MARCHF1: variants seen among roughly 807,000 people sequenced by gnomAD.
MARCHF1 encodes E3 ubiquitin-protein ligase MARCHF1.
MARCHF1 carries 40 observed loss-of-function variants against 54.2 expected under a neutral mutation model. That is an observed-to-expected ratio of 0.74 (90% CI 0.57 to 0.96). MARCHF1 has a LOEUF of 0.96. Ranked by LOEUF, MARCHF1 falls within the 40% of genes least tolerant of loss-of-function variation. The probability of loss-of-function intolerance (pLI) is 0.00; values close to 1 mark genes in which losing one functional copy is unlikely to be tolerated. For missense variants in MARCHF1, 586 were observed against 656.5 expected (o/e 0.89, Z 1.17); for synonymous variants, 236 against 236.3 (o/e 1.00, Z 0.01).
chr4:163,796,222 T>G (rs1747909961), intron 4 of MARCHF1, among the ~76,000 whole-genome samples: 1 of 20,140 alleles, frequency 5.0e-5, no homozygotes, highest in Non-Finnish European at 1.5e-4. Flanking sequence ...AAACTTCTAG[T>G]TTTTTTTTTT....
At chr4:163,783,018 T>C (rs1300510707) in intron 4 of MARCHF1, among the ~76,000 whole-genome samples, 1 of 152,170 alleles carries the variant, frequency 6.6e-6, no homozygotes, top group East Asian at 1.9e-4. Context: ...CAAAATTACA[T>C]TGGTCACTTC....
At chr4:164,020,673 T>C (rs1753643447) in intron 2 of MARCHF1, among the ~76,000 whole-genome samples, 1 of 152,194 alleles carries the variant, frequency 6.6e-6, no homozygotes, top group South Asian at 2.1e-4. Flanking sequence ...GGCTCATGCC[T>C]GTAATCCCAG....
chr4:163,618,579 G>A lies in MARCHF1; in HGVS notation c.163-5186C>T, dbSNP rs112033668. Among the ~76,000 whole-genome samples, 61 of 152,168 alleles carry A rather than the reference G, an allele frequency of 4.0e-4. 1 individual carries two copies. Among genetic ancestry groups the A allele is most frequent in the African/African-American group, 1.4e-3 (59 of 41,512 alleles). On this transcript the variant is annotated intron_variant, in intron 5 of 9. Coordinates refer to ENST00000514618, the MANE Select transcript of MARCHF1 (RefSeq NM_001394959.1). ...CTGTCCTTTATGGGATCACTTCCTA[G>A]CCAAACTATCTGCACTCTGCTAAAA... is the stretch of plus-strand genomic sequence containing the variant.
chr4:163,711,766 G>A (rs966484928), intron 4 of MARCHF1, among the ~76,000 whole-genome samples: 2 of 151,968 alleles, frequency 1.3e-5, no homozygotes, highest in Non-Finnish European at 2.9e-5. Context: ...CCACCCATGG[G>A]GTATACAACT....
chr4:163,599,849 T>TC (rs936948326), intron 7 of MARCHF1, among the ~76,000 whole-genome samples: 2 of 152,294 alleles, frequency 1.3e-5, no homozygotes, highest in African/African-American at 4.8e-5. Flanking sequence ...ATTTAGGGCT[T>TC]CCCCCGCAAA....
At chr4:164,366,779 A>G (rs1730891568) in intron 1 of MARCHF1, among the ~76,000 whole-genome samples, 3 of 151,880 alleles carry the variant, frequency 2.0e-5, no homozygotes, top group South Asian at 2.1e-4. Flanking sequence ...TTATATTATA[A>G]AAGTTTTATA....
chr4:163,831,163 T>C (rs1749011523), intron 4 of MARCHF1, among the ~76,000 whole-genome samples: 1 of 152,136 alleles, frequency 6.6e-6, no homozygotes, highest in African/African-American at 2.4e-5. Context: ...TTCTGTTTTC[T>C]GCACTGAACC....
At chr4:164,194,200 G>C (rs1201857720) in intron 1 of MARCHF1, among the ~76,000 whole-genome samples, 1 of 152,132 alleles carries the variant, frequency 6.6e-6, no homozygotes, top group Non-Finnish European at 1.5e-5. Context: ...TCTGTGAAAA[G>C]AGAAAAAGAA....
chr4:164,099,325 C>CT (rs1755484936), intron 2 of MARCHF1, among the ~76,000 whole-genome samples: 1 of 152,184 alleles, frequency 6.6e-6, no homozygotes, highest in Admixed American at 6.5e-5. Context: ...AGAATGTTAG[C>CT]ACTTTCAATG....
chr4:163,632,614 T>A (rs1446839009), intron 5 of MARCHF1, among the ~76,000 whole-genome samples: 2 of 152,124 alleles, frequency 1.3e-5, no homozygotes, highest in Non-Finnish European at 2.9e-5. Flanking sequence ...GGAGTCTCGC[T>A]GATTGTTAGC....
intron 5 of MARCHF1, among the ~76,000 whole-genome samples, chr4:163,699,044 G>T (rs548330927): frequency 6.6e-6 from 1 of 152,090 alleles, no homozygotes; most frequent in Non-Finnish European, 1.5e-5. Context: ...AACATCTCAG[G>T]GTCATGTAAG....
chr4:164,287,360 CAA>C (rs1734176643), intron 1 of MARCHF1, among the ~76,000 whole-genome samples: 6 of 152,036 alleles, frequency 3.9e-5, no homozygotes, highest in African/African-American at 1.2e-4. Context: ...CCTGTCACTC[CAA>C]AGGACAGCCT....
chr4:164,228,849 A>G (rs931942967), intron 1 of MARCHF1, among the ~76,000 whole-genome samples: 1 of 152,140 alleles, frequency 6.6e-6, no homozygotes, highest in Non-Finnish European at 1.5e-5. Flanking sequence ...TAGAGGGAGG[A>G]GAGGAAGACA....
intron 2 of MARCHF1, among the ~76,000 whole-genome samples, chr4:164,036,703 C>T (rs1437291913): frequency 6.6e-6 from 1 of 152,008 alleles, no homozygotes; most frequent in African/African-American, 2.4e-5. Context: ...AAAAATGTTC[C>T]ACCTCTGTGA....
intron 4 of MARCHF1, among the ~76,000 whole-genome samples, chr4:163,704,118 TG>T (rs903654165): frequency 2.8e-5 from 4 of 143,592 alleles, no homozygotes; most frequent in African/African-American, 1.1e-4. Flanking sequence ...TAATGTAATA[TG>T]AAAAAAAAAT....
rs559442214 is a variant in MARCHF1, at chr4:164,073,856, T to G, written c.-248+37732A>C. Among the ~76,000 whole-genome samples, 6 of 152,084 alleles carry G rather than the reference T, an allele frequency of 3.9e-5. No homozygotes were observed. The East Asian group carries it at 1.2e-3, about 30-fold the overall frequency. On this transcript the variant is annotated intron_variant, in intron 2 of 9. Coordinates refer to ENST00000514618, the MANE Select transcript of MARCHF1 (RefSeq NM_001394959.1). ...GTCTCGCTCTGTCGCCAGGCTGGAG[T>G]GCAGTGGCGCAATTTCGGCTCACCG... is the stretch of plus-strand genomic sequence containing the variant.
chr4:164,306,005 G>T (rs74981218), intron 1 of MARCHF1, among the ~76,000 whole-genome samples: 2 of 152,078 alleles, frequency 1.3e-5, no homozygotes, highest in Non-Finnish European at 2.9e-5. Flanking sequence ...TTAAGATGTT[G>T]TCACTGATTG....
rs1456474088 is a variant in MARCHF1, at chr4:164,205,975, T to C, written c.-322-94313A>G. On this transcript the variant is annotated intron_variant, in intron 1 of 9. Transcript: ENST00000514618. ...TTAATAATAGGCTCAGCTTTAATAA[T>C]ATGAAACAAAAACTACATTCAAAAA... is the stretch of plus-strand genomic sequence containing the variant. Among the ~76,000 whole-genome samples the C allele has an allele frequency of 2.0e-5, 3 of 152,194 alleles. No homozygotes were observed. In the East Asian group the frequency reaches 5.8e-4, roughly 29 times the overall value.
At chr4:164,265,641 G>A (rs962242206) in intron 1 of MARCHF1, among the ~76,000 whole-genome samples, 21 of 152,094 alleles carry the variant, frequency 1.4e-4, no homozygotes, top group Middle Eastern at 3.4e-3. Flanking sequence ...TGGCCTACAA[G>A]GCCCTGAGCA....
Sources: allele counts gnomAD v4.1 joint callset (sites outside exome capture counted in the v4.1 genomes callset), GRCh38; gene constraint gnomAD v4.1.1; transcripts MANE v1.5; gene names NCBI Gene and HGNC (gene_info 2026-07-23, HGNC 2026-07-21).